The following FMN1 variants were observed in gnomAD, a reference collection of about 807,000 sequenced individuals.
The protein encoded by FMN1 is formin-1.
FMN1 carries 110 observed loss-of-function variants against 132.4 expected under a neutral mutation model. That is an observed-to-expected ratio of 0.83 (90% confidence interval 0.71 to 0.97). FMN1 has a LOEUF of 0.97. FMN1 is among the 50% of genes least tolerant of loss of function. The pLI, the probability that FMN1 is intolerant of heterozygous loss-of-function variation, is 0.00. For synonymous variants in FMN1, 722 were observed against 651.7 expected, an observed-to-expected ratio of 1.11 and a Z score of -1.64; for missense variants, 1,792 against 1,705.3, an observed-to-expected ratio of 1.05 and a Z score of -0.90.
intron 7 of FMN1, among the ~76,000 whole-genome samples, chr15:32,998,218 T>C (rs984313283): frequency 2.0e-5 from 3 of 152,376 alleles, no homozygotes; most frequent in South Asian, 4.1e-4. Flanking sequence ...ATTCTGCAGC[T>C]TTCCTAATGC....
chr15:32,958,659 C>G (rs556784176), intron 9 of FMN1, among the ~76,000 whole-genome samples: 1 of 152,278 alleles, frequency 6.6e-6, no homozygotes, highest in South Asian at 2.1e-4. Context: ...AAATTAGTAT[C>G]TGAGTTCCAC....
At chr15:33,079,497 C>G (rs1422578663) in intron 5 of FMN1, among the ~76,000 whole-genome samples, 2 of 152,208 alleles carry the variant, frequency 1.3e-5, no homozygotes, top group Non-Finnish European at 2.9e-5. Flanking sequence ...GTGGCACCTG[C>G]CTGTAATCCC....
intron 16 of FMN1, among the ~76,000 whole-genome samples, chr15:32,865,851 AAAT>A (rs1567293718): frequency 5.1e-5 from 2 of 39,528 alleles, no homozygotes; most frequent in Non-Finnish European, 8.6e-5. Context: ...AAAAAAAAAA[AAAT>A]AAAATAAAAT....
At chr15:33,147,165 CAA>C (rs869166176) in intron 4 of FMN1, among the ~76,000 whole-genome samples, 17 of 69,214 alleles carry the variant, frequency 2.5e-4, no homozygotes, top group East Asian at 4.5e-4. Flanking sequence ...GACTCCGTCT[CAA>C]AAAAAAAAAA....
At chr15:32,900,163 C>G (rs749295985) in intron 13 of FMN1, 38 bp from the exon 14 acceptor site, 2 of 1,609,118 alleles carry the variant, frequency 1.2e-6, no homozygotes, top group South Asian at 2.2e-5. Flanking sequence ...GAGCTGAACT[C>G]CAAATGCACC....
intron 17 of FMN1, among the ~76,000 whole-genome samples, chr15:32,818,438 T>G (rs2058115170): frequency 6.6e-6 from 1 of 152,154 alleles, no homozygotes; most frequent in Non-Finnish European, 1.5e-5. Flanking sequence ...AGGAAAGAAG[T>G]GTTTATGAAG....
At chr15:33,055,571 G>T (rs2037178538) in intron 6 of FMN1, among the ~76,000 whole-genome samples, 1 of 149,564 alleles carries the variant, frequency 6.7e-6, no homozygotes, top group African/African-American at 2.5e-5. Context: ...GGGTAATTTG[G>T]ACAGAAAAAC....
At chr15:32,966,577 C>T (rs2031252617) in intron 8 of FMN1, among the ~76,000 whole-genome samples, 1 of 152,102 alleles carries the variant, frequency 6.6e-6, no homozygotes, top group Non-Finnish European at 1.5e-5. Context: ...TTAAGTGTCT[C>T]TTGCTTATTC....
At chr15:33,148,382 T>C (rs1034034046) in intron 4 of FMN1, among the ~76,000 whole-genome samples, 3 of 152,112 alleles carry the variant, frequency 2.0e-5, no homozygotes, top group Admixed American at 1.3e-4. Flanking sequence ...GCATAATTCA[T>C]CCCCCTCATC....
chr15:33,091,285 G>A (rs1484388543), intron 4 of FMN1, among the ~76,000 whole-genome samples: 2 of 152,120 alleles, frequency 1.3e-5, no homozygotes, highest in East Asian at 3.8e-4. Flanking sequence ...ACACATGCAT[G>A]CATATTTATG....
intron 4 of FMN1, chr15:33,150,023 A>C: frequency 5.1e-6 from 5 of 985,440 alleles, no homozygotes; most frequent in Non-Finnish European, 6.0e-6. Context: ...TCTCAATATC[A>C]GGAAGAACTA....
At chr15:33,005,024 C>T (rs1341186552) in intron 7 of FMN1, among the ~76,000 whole-genome samples, 1 of 152,064 alleles carries the variant, frequency 6.6e-6, no homozygotes, top group Non-Finnish European at 1.5e-5. Context: ...GAACATCACA[C>T]ACCAGGGACT....
At chr15:32,907,762 CTG>C (rs1372256570) in intron 12 of FMN1, among the ~76,000 whole-genome samples, 2 of 85,880 alleles carry the variant, frequency 2.3e-5, no homozygotes, top group Admixed American at 2.1e-4. Context: ...CCCTCTGAAC[CTG>C]TGTCAGAGGA....
At chr15:33,152,797 A>AAAAAAAAAG (rs1444644643) in intron 4 of FMN1, among the ~76,000 whole-genome samples, 1 of 150,984 alleles carries the variant, frequency 6.6e-6, no homozygotes, top group East Asian at 1.9e-4. Context: ...CCAAAAAAAA[A>AAAAAAAAAG]AAAAAAGAAA....
chr15:32,977,413 T>C (rs960154975), intron 7 of FMN1, among the ~76,000 whole-genome samples: 5 of 152,204 alleles, frequency 3.3e-5, no homozygotes, highest in Admixed American at 2.0e-4. Flanking sequence ...TCCATCCTCC[T>C]GAAAAAGATA....
intron 6 of FMN1, among the ~76,000 whole-genome samples, chr15:33,034,214 G>A (rs2036083935): frequency 6.6e-6 from 1 of 152,108 alleles, no homozygotes; most frequent in African/African-American, 2.4e-5. Context: ...TAACATATCA[G>A]AAATGATGCC....
At chr15:32,940,152 A>G (rs1048402708) in intron 9 of FMN1, among the ~76,000 whole-genome samples, 8 of 152,258 alleles carry the variant, frequency 5.3e-5, no homozygotes, top group Admixed American at 4.6e-4. Context: ...CCTTCCCTCT[A>G]GTTTTCAACC....
intron 20 of FMN1, among the ~76,000 whole-genome samples, chr15:32,775,198 A>G (rs2056377229): frequency 6.6e-6 from 1 of 152,178 alleles, no homozygotes; most frequent in African/African-American, 2.4e-5. Context: ...AAATTGGCCT[A>G]GATATAAACT....
chr15:33,137,174 G>A (rs1337854434), intron 4 of FMN1, among the ~76,000 whole-genome samples: 3 of 148,212 alleles, frequency 2.0e-5, no homozygotes, highest in East Asian at 2.1e-4. Flanking sequence ...AACAATGTAT[G>A]TAAAAGTTCT....
Sources: allele counts gnomAD v4.1 joint callset (sites outside exome capture counted in the v4.1 genomes callset), GRCh38; gene constraint gnomAD v4.1.1; transcripts MANE v1.5; gene names NCBI Gene and HGNC (gene_info 2026-07-23, HGNC 2026-07-21).